The following MIPEP variants were observed in gnomAD, a reference collection of about 807,000 sequenced individuals.
MIPEP encodes the protein mitochondrial intermediate peptidase.
A neutral mutation model predicts 90.3 loss-of-function variants in MIPEP; 79 were observed. That is an observed-to-expected ratio of 0.87 (90% confidence interval 0.73 to 1.05). The LOEUF is 1.05. Ranked by LOEUF, MIPEP falls within the 50% of genes least tolerant of loss-of-function variation. The pLI is 0.00. For synonymous variants in MIPEP, 334 were observed against 315.8 expected, an observed-to-expected ratio of 1.06 and a Z score of -0.61; for missense variants, 940 against 905.6, an observed-to-expected ratio of 1.04 and a Z score of -0.49.
chr13:23,829,070 A>G (rs1868611186), intron 14 of MIPEP, among the ~76,000 whole-genome samples: 1 of 152,240 alleles, frequency 6.6e-6, no homozygotes, highest in Admixed American at 6.5e-5. Context: ...GGCACTGAAG[A>G]AAGGGTAAAT....
chr13:23,766,376 T>C (rs1952591279), intron 16 of MIPEP, among the ~76,000 whole-genome samples: 1 of 152,228 alleles, frequency 6.6e-6, no homozygotes, highest in South Asian at 2.1e-4. Flanking sequence ...CACTTGCACC[T>C]GTTGTAATCA....
intron 12 of MIPEP, 74 bp downstream of exon 12, chr13:23,839,575 G>A: frequency 1.1e-6 from 1 of 919,798 alleles, no homozygotes; most frequent in Non-Finnish European, 1.6e-6. Context: ...TTTAAAAAAT[G>A]ATACAAAGTT....
intron 15 of MIPEP, among the ~76,000 whole-genome samples, chr13:23,806,329 G>C (rs1209528500): frequency 1.3e-5 from 2 of 152,118 alleles, no homozygotes; most frequent in Non-Finnish European, 2.9e-5. Context: ...TACTCTTTAT[G>C]TACAATGGCA....
chr13:23,742,422 G>A (rs2138490919), intron 18 of MIPEP, among the ~76,000 whole-genome samples: 1 of 152,282 alleles, frequency 6.6e-6, no homozygotes, highest in East Asian at 1.9e-4. Flanking sequence ...AAATGTTGGA[G>A]TTTAGTATAA....
At chr13:23,872,461 CA>C (rs1291438776) in intron 5 of MIPEP, among the ~76,000 whole-genome samples, 1 of 151,886 alleles carries the variant, frequency 6.6e-6, no homozygotes, top group East Asian at 1.9e-4. Context: ...AACTCTGTCT[CA>C]AAAAATAATA....
chr13:23,739,994 A>G (rs1952308346), intron 18 of MIPEP, among the ~76,000 whole-genome samples: 2 of 152,188 alleles, frequency 1.3e-5, no homozygotes, highest in Admixed American at 6.5e-5. Flanking sequence ...TCCACCTAGC[A>G]TCCATTTCCC....
At chr13:23,808,936 G>T (rs563513019) in intron 15 of MIPEP, among the ~76,000 whole-genome samples, 1 of 152,180 alleles carries the variant, frequency 6.6e-6, no homozygotes, top group East Asian at 1.9e-4. Flanking sequence ...TGTTAAACAG[G>T]TAACTGAATC....
chr13:23,754,816 A>G (rs1952474805), intron 18 of MIPEP, among the ~76,000 whole-genome samples: 1 of 152,226 alleles, frequency 6.6e-6, no homozygotes, highest in East Asian at 1.9e-4. Flanking sequence ...CCACCAGCCA[A>G]AAGTATACAA....
intron 14 of MIPEP, among the ~76,000 whole-genome samples, chr13:23,835,583 A>C (rs1658801803): frequency 6.6e-6 from 1 of 152,188 alleles, no homozygotes; most frequent in Non-Finnish European, 1.5e-5. Context: ...CACCTCACGT[A>C]ATACGGTTCT....
intron 16 of MIPEP, among the ~76,000 whole-genome samples, chr13:23,786,943 G>A (rs560429958): frequency 1.3e-5 from 2 of 152,294 alleles, no homozygotes; most frequent in South Asian, 4.1e-4. Context: ...TTGAACACAA[G>A]GAGGGTCTGG....
intron 16 of MIPEP, among the ~76,000 whole-genome samples, chr13:23,787,373 GGA>G (rs1330249968): frequency 6.7e-6 from 1 of 150,164 alleles, no homozygotes; most frequent in African/African-American, 2.5e-5. Context: ...TAGGGTGGGG[GGA>G]GAGAGAGCAA....
chr13:23,868,399 A>T (rs1379661981), intron 7 of MIPEP, among the ~76,000 whole-genome samples: 1 of 152,188 alleles, frequency 6.6e-6, no homozygotes, highest in East Asian at 1.9e-4. Flanking sequence ...GATTGAGTGC[A>T]TTTAGAGAAC....
intron 10 of MIPEP, chr13:23,842,627 A>C (rs1327964920): frequency 6.6e-6 from 1 of 152,352 alleles, no homozygotes; most frequent in Non-Finnish European, 1.5e-5. Context: ...AAAGAGGCAG[A>C]GAAGTGAACC....
intron 18 of MIPEP, among the ~76,000 whole-genome samples, chr13:23,735,315 C>T (rs756452633): frequency 6.6e-6 from 1 of 152,148 alleles, no homozygotes; most frequent in Non-Finnish European, 1.5e-5. Flanking sequence ...TTCCTTTTCC[C>T]TTCCCTCTTG....
In MIPEP at chr13:23,839,715, A is replaced by T. The variant is rs944932351; in HGVS notation, c.1272T>A (p.His424Gln). The change falls in exon 12 of 19, where the codon CAT (histidine) becomes CAA (glutamine). Residue 424 changes from histidine (H) to glutamine (Q), a missense_variant. Transcript: ENST00000382172. ...TGTACCCCAACAATCCTTCAGATTC[A>T]TGAACAACAGCCTAGAAAAAAAAAT... ...SEDVRKLAVV[H>Q]ESEGLLGYIY... is the part of the protein sequence containing the mutation. The T allele has an allele frequency of 2.5e-6, 4 of 1,611,682 alleles. No individual in the cohort carries two copies. The highest frequency in any genetic ancestry group is 3.4e-6 in the Non-Finnish European group (4 of 1,179,452).
Position 23,730,395 on chromosome 13 carries a change from A to C in MIPEP, c.2095T>G (p.Ser699Ala), listed in dbSNP as rs760848403. The C allele has an allele frequency of 6.2e-7, 1 of 1,612,944 alleles. No homozygotes were observed. The highest frequency in any genetic ancestry group is 1.1e-5 in the South Asian group (1 of 90,986). ...GTTTCGAAGTCCAGATCCAAGTCGG[A>C]AACGAGGGCACTTACGAAGTCATCA... The part of the protein sequence containing the change: ...SVDDFVSALV[S>A]DLDLDFETFL... The change falls in exon 19 of 19, where the codon TCC (serine) becomes GCC (alanine). Residue 699 changes from serine to alanine, a missense_variant. Transcript: ENST00000382172.
intron 14 of MIPEP, among the ~76,000 whole-genome samples, chr13:23,831,380 T>TGGCGGGGGGACGGGGGGGG (rs1175155021): frequency 6.4e-5 from 1 of 15,644 alleles, no homozygotes; most frequent in African/African-American, 7.5e-5. Context: ...AGCTTCCCCA[T>TGGCGGGGGGACGGGGGGGG]GGCGGGGGGG....
chr13:23,853,415 A>G (rs7319142), intron 10 of MIPEP, among the ~76,000 whole-genome samples: 70,157 of 151,970 alleles, frequency 0.46, 17,624 homozygotes, highest in Admixed American at 0.58. Context: ...AGCTGCCTAC[A>G]GTTTTCAGTA....
intron 7 of MIPEP, among the ~76,000 whole-genome samples, chr13:23,868,111 T>C (rs1870619291): frequency 6.6e-6 from 1 of 152,020 alleles, no homozygotes; most frequent in African/African-American, 2.4e-5. Flanking sequence ...GCTTCGATTA[T>C]ATGAAAAAAA....
Sources: allele counts gnomAD v4.1 joint callset (sites outside exome capture counted in the v4.1 genomes callset), GRCh38; gene constraint gnomAD v4.1.1; transcripts MANE v1.5; gene names NCBI Gene and HGNC (gene_info 2026-07-23, HGNC 2026-07-21).